STRIP2: variants seen among roughly 807,000 people sequenced by gnomAD.
STRIP2 encodes the protein striatin-interacting protein 2.
Under a neutral mutation model 107.1 loss-of-function variants are expected in STRIP2, and 84 were observed. The ratio of observed to expected loss-of-function variants is 0.78; its 90% CI spans 0.66 to 0.94. The LOEUF (loss-of-function observed/expected upper bound fraction) is 0.94. Ranked by LOEUF, STRIP2 falls within the 40% of genes least tolerant of loss-of-function variation. The pLI, the probability that STRIP2 is intolerant of heterozygous loss-of-function variation, is 0.00. For missense variants in STRIP2, 888 were observed against 1,034.2 expected, an observed-to-expected ratio of 0.86 and a Z score of 1.94; for synonymous variants, 394 against 400.4, an observed-to-expected ratio of 0.98 and a Z score of 0.19.
At chr7:129,478,898 A>G (rs1799042143) in intron 18 of STRIP2, among the ~76,000 whole-genome samples, 1 of 152,148 alleles carries the variant, frequency 6.6e-6, no homozygotes, top group South Asian at 2.1e-4. Flanking sequence ...CCTCTACCGT[A>G]TTGAAAATCA....
rs1327339571 is a variant in STRIP2 at position 129,467,336 on chromosome 7, G to A, written c.1777-14G>A. The stretch of plus-strand genomic sequence containing the variant: ...CCAAATAAGCAGCCCTTTCTGCTTT[G>A]ATTTTTAATTCAGTTTGAATATGTA... On this transcript the variant is annotated splice_polypyrimidine_tract_variant and intron_variant, in intron 16 of 20. Transcript: ENST00000249344. 1.9e-6 allele frequency: 3 copies of A among 1,600,268 alleles called. No individual in the cohort carries two copies. The highest frequency in any genetic ancestry group is 8.6e-7 in the Non-Finnish European group (1 of 1,168,474).
At position 129,451,707 on chromosome 7, in the gene STRIP2, G is replaced by A. The variant is rs1419533095; in HGVS notation, c.369G>A (p.Arg123=). The A allele has an allele frequency of 3.7e-6, 6 of 1,614,052 alleles. No individual in the cohort carries two copies. The highest frequency in any genetic ancestry group is 1.1e-5 in the South Asian group (1 of 91,076). ...LDRLEVVSRE[R]RLKVARAVLY... ...GGCTAGAGGTGGTCAGTAGGGAACG[G>A]CGGCTGAAGGTGGCCCGGGCTGTTC... Residue 123 remains arginine, a synonymous_variant, in exon 4 of 21, where the codon CGG becomes CGA. Coordinates refer to ENST00000249344, the MANE Select transcript of STRIP2 (RefSeq NM_020704.3).
rs111542017 is a variant in STRIP2 at position 129,466,565 on chromosome 7, C to T, written c.1777-785C>T. 6.7e-3 allele frequency among the ~76,000 whole-genome samples: 1,019 copies of T among 152,238 alleles called. 12 individuals carry two copies. Among genetic ancestry groups the T allele is most frequent in the African/African-American group, 0.024 (985 of 41,530 alleles). ...GGATCTGGAGATAAACTGTGTTTGA[C>T]ACTCCTTAGTGTATCATGGGTAACA... On this transcript the variant is annotated intron_variant, in intron 16 of 20. Coordinates refer to ENST00000249344, the MANE Select transcript of STRIP2 (RefSeq NM_020704.3).
At position 129,458,390 on chromosome 7, in the gene STRIP2, C is replaced by T; in HGVS notation, c.1214C>T (p.Ala405Val). The change falls in exon 10 of 21, where the codon GCA (alanine) becomes GTA (valine). Residue 405 changes from alanine (A) to valine (V), a missense_variant. By Grantham distance (64) the Ala-to-Val change is moderately conservative (BLOSUM62 0). Coordinates refer to ENST00000249344, the MANE Select transcript of STRIP2 (RefSeq NM_020704.3). The surrounding 1 kb of genome is among the most constrained non-coding windows in gnomAD (Gnocchi z 4.6). ...CTGGTGCCACCTCCACCCTCACAGG[C>T]ACCCCTCTCTGCTGAGCGGGTGGCT... The part of the protein sequence containing the change: ...DPLVPPPPSQ[A>V]PLSAERVAFP... 6.2e-7 allele frequency: 1 copy of T among 1,613,410 alleles called. No homozygotes were observed. The highest frequency in any genetic ancestry group is 8.5e-7 in the Non-Finnish European group (1 of 1,179,760).
chr7:129,460,477 C>T (rs1270695984), intron 13 of STRIP2, 105 bp downstream of exon 13: 1 of 953,916 alleles, frequency 1.0e-6, no homozygotes, highest in Admixed American at 2.0e-5. Context: ...TAGGCTGTAA[C>T]TGTGTTCCAG....
At chr7:129,480,668 G>A (rs992709414) in intron 18 of STRIP2, 117 bp from the exon 19 acceptor site, 3 of 743,604 alleles carry the variant, frequency 4.0e-6, no homozygotes, top group Non-Finnish European at 4.4e-6. Flanking sequence ...GGAAGGTGAG[G>A]AGGTATTATT....
intron 3 of STRIP2, among the ~76,000 whole-genome samples, chr7:129,449,512 G>A (rs1720469570): frequency 6.6e-6 from 1 of 152,186 alleles, no homozygotes; most frequent in Non-Finnish European, 1.5e-5. Flanking sequence ...AAGGTGGAAA[G>A]GCTGATGGCA....
chr7:129,454,299 T>C (rs1393430273), intron 6 of STRIP2, 89 bp downstream of exon 6: 2 of 1,502,684 alleles, frequency 1.3e-6, no homozygotes, highest in Admixed American at 1.7e-5. Context: ...CTCAGACCAT[T>C]AGGAAGTTGC....
chr7:129,464,562 G>C lies in STRIP2; in HGVS notation c.1650-50G>C, dbSNP rs778105140. ...ACCCAAATACCTGGATCCCTACAGG[G>C]CTCCCTTTAAGGCCACTCTCTGCAC... On this transcript the variant is annotated intron_variant, in intron 15 of 20. Coordinates refer to ENST00000249344, the MANE Select transcript of STRIP2 (RefSeq NM_020704.3). The C allele has an allele frequency of 1.9e-6, 3 of 1,607,438 alleles. No individual in the cohort carries two copies. In the East Asian group the frequency reaches 6.7e-5, roughly 36 times the overall value.
At chr7:129,477,745 A>G (rs1039001634) in intron 18 of STRIP2, 3 of 227,226 alleles carry the variant, frequency 1.3e-5, no homozygotes, top group African/African-American at 2.3e-5. Flanking sequence ...CTAAAATAGA[A>G]AAAACATGCC....
Position 129,454,462 on chromosome 7 carries a change from G to T in STRIP2, c.641G>T (p.Arg214Leu). Residue 214 changes from arginine (R) to leucine (L), a missense_variant, in exon 7 of 21, where the codon CGC (arginine) becomes CTC (leucine). Physicochemically the swap from Arg to Leu is moderately radical, Grantham distance 102. Coordinates refer to ENST00000249344, the MANE Select transcript of STRIP2 (RefSeq NM_020704.3). ...ATGTACCTAATGGTGGAAAATATTC[G>T]CCTGGAGCGAGAGACAGACCCCTGT... ...SVMYLMVENI[R>L]LERETDPCGW... 1 of 1,614,052 alleles carries T rather than the reference G, an allele frequency of 6.2e-7. No homozygotes were observed. Among genetic ancestry groups the T allele is most frequent in the Non-Finnish European group, 8.5e-7 (1 of 1,179,976 alleles).
At chr7:129,444,322 C>A (rs186027924) in intron 3 of STRIP2, among the ~76,000 whole-genome samples, 48 of 152,254 alleles carry the variant, frequency 3.2e-4, no homozygotes, top group South Asian at 1.0e-3. Flanking sequence ...AGGCTGTCTG[C>A]AAGCTGAGGA....
chr7:129,442,964 G>A (rs1295850554), intron 2 of STRIP2, among the ~76,000 whole-genome samples: 2 of 152,038 alleles, frequency 1.3e-5, no homozygotes, highest in Non-Finnish European at 2.9e-5. Flanking sequence ...TCTGTAAGAT[G>A]AGGGTACATA....
intron 3 of STRIP2, among the ~76,000 whole-genome samples, chr7:129,448,657 A>G (rs1165442032): frequency 1.3e-5 from 2 of 152,180 alleles, no homozygotes; most frequent in African/African-American, 4.8e-5. Context: ...CCACAGCTCT[A>G]CATGAGTCAG....
chr7:129,463,218 C>T (rs557066039), intron 14 of STRIP2, among the ~76,000 whole-genome samples, 178 bp downstream of exon 14: 3 of 152,328 alleles, frequency 2.0e-5, no homozygotes, highest in African/African-American at 7.2e-5. Flanking sequence ...TCTGATGGTG[C>T]TGTTCTCCCT....
chr7:129,479,003 G>A (rs376333898), intron 18 of STRIP2, among the ~76,000 whole-genome samples: 3 of 152,094 alleles, frequency 2.0e-5, no homozygotes, highest in Admixed American at 1.3e-4. Flanking sequence ...GTTCGGGCGC[G>A]GTGGCTCATG....
At chr7:129,468,399 C>T (rs936789987) in intron 17 of STRIP2, among the ~76,000 whole-genome samples, 2 of 152,172 alleles carry the variant, frequency 1.3e-5, no homozygotes, top group Non-Finnish European at 2.9e-5. Flanking sequence ...TGACCTGGAT[C>T]TGCCACTTAC....
At chr7:129,481,231 GC>G (rs1799108165) in intron 19 of STRIP2, among the ~76,000 whole-genome samples, 1 of 152,184 alleles carries the variant, frequency 6.6e-6, no homozygotes, top group South Asian at 2.1e-4. Flanking sequence ...GGGCTCCGTA[GC>G]TCATGCCTGT....
chr7:129,455,138 A>G, intron 7 of STRIP2, 106 bp from the exon 8 acceptor site: 12 of 1,355,304 alleles, frequency 8.9e-6, no homozygotes, highest in Non-Finnish European at 1.2e-5. Context: ...GGTATTCTTC[A>G]GGGGAGGTGA....
Sources: allele counts gnomAD v4.1 joint callset (sites outside exome capture counted in the v4.1 genomes callset), GRCh38; gene constraint gnomAD v4.1.1; non-coding constraint Gnocchi (gnomAD v3.1); transcripts MANE v1.5; gene names NCBI Gene and HGNC (gene_info 2026-07-23, HGNC 2026-07-21).